ROBO1: variants seen among roughly 807,000 people sequenced by gnomAD.
The protein encoded by ROBO1 is roundabout guidance receptor 1, also known as roundabout homolog 1.
ROBO1 carries 149 observed loss-of-function variants against 195.9 expected under a neutral mutation model. That is an observed-to-expected ratio of 0.76 (90% CI 0.67 to 0.87). The LOEUF (loss-of-function observed/expected upper bound fraction) is 0.87. ROBO1 is among the 40% of genes least tolerant of loss of function. The pLI, the probability that ROBO1 is intolerant of heterozygous loss-of-function variation, is 0.00. For synonymous variants in ROBO1, 816 were observed against 733.2 expected, an observed-to-expected ratio of 1.11 and a Z score of -1.82; for missense variants, 1,933 against 2,068.3, an observed-to-expected ratio of 0.93 and a Z score of 1.27.
chr3:79,073,447 A>G (rs1181663763), intron 3 of ROBO1, among the ~76,000 whole-genome samples: 2 of 151,862 alleles, frequency 1.3e-5, no homozygotes, highest in African/African-American at 2.4e-5. Context: ...TGAAATCTTA[A>G]AATGCCAGTC....
At position 78,965,172 on chromosome 3, in the gene ROBO1, T is replaced by C. The variant is rs538877016; in HGVS notation, c.173-26245A>G. 3.3e-5 allele frequency among the ~76,000 whole-genome samples: 5 copies of C among 152,162 alleles called. No homozygotes were observed. In the South Asian group the frequency reaches 8.3e-4, roughly 25 times the overall value. On this transcript the variant is annotated intron_variant, in intron 3 of 30. Transcript: ENST00000464233. ...TGTTTCACATTATAATCAATAATTATAATATATACTATATACTTTCTGAAA... is the reference window on the plus strand; with the variant it reads ...TGTTTCACATTATAATCAATAATTACAATATATACTATATACTTTCTGAAA...
intron 26 of ROBO1, among the ~76,000 whole-genome samples, chr3:78,625,225 A>C (rs921410240): frequency 6.6e-6 from 1 of 152,224 alleles, no homozygotes; most frequent in African/African-American, 2.4e-5. Flanking sequence ...GAGCAAAATC[A>C]AGGGCCATTT....
chr3:79,382,018 C>T (rs1344673361), intron 2 of ROBO1, among the ~76,000 whole-genome samples: 1 of 152,086 alleles, frequency 6.6e-6, no homozygotes, highest in Non-Finnish European at 1.5e-5. Context: ...ATCTGCATTT[C>T]TACTGCCACC....
intron 2 of ROBO1, among the ~76,000 whole-genome samples, chr3:79,335,536 C>T (rs995577136): frequency 2.0e-5 from 3 of 152,142 alleles, no homozygotes; most frequent in Non-Finnish European, 2.9e-5. Flanking sequence ...TCTCTCCTAC[C>T]ACCATGTGAA....
intron 1 of ROBO1, among the ~76,000 whole-genome samples, chr3:79,606,725 C>T (rs1944497923): frequency 6.6e-6 from 1 of 151,262 alleles, no homozygotes; most frequent in South Asian, 2.1e-4. Context: ...TGCCAGATTT[C>T]TCTCTTATGG....
chr3:79,119,328 G>A (rs184968026), intron 3 of ROBO1, among the ~76,000 whole-genome samples: 4 of 152,054 alleles, frequency 2.6e-5, no homozygotes, highest in African/African-American at 9.7e-5. Flanking sequence ...ATAGAATTAC[G>A]CATGTCTACT....
chr3:78,849,696 A>G (rs893789047), intron 4 of ROBO1, among the ~76,000 whole-genome samples: 1 of 152,054 alleles, frequency 6.6e-6, no homozygotes, highest in Non-Finnish European at 1.5e-5. Flanking sequence ...GAGATTTGAC[A>G]GGAGGTTCAA....
intron 2 of ROBO1, among the ~76,000 whole-genome samples, chr3:79,366,628 C>A (rs1298476782): frequency 2.0e-5 from 3 of 152,128 alleles, no homozygotes; most frequent in Non-Finnish European, 4.4e-5. Flanking sequence ...GAATGCCCAG[C>A]ACTTGGCCGG....
At chr3:78,749,825 A>ATGT (rs1458211992) in intron 4 of ROBO1, among the ~76,000 whole-genome samples, 1 of 152,200 alleles carries the variant, frequency 6.6e-6, no homozygotes, top group Non-Finnish European at 1.5e-5. Context: ...AACCATTTCT[A>ATGT]TTAACCAAAG....
intron 1 of ROBO1, among the ~76,000 whole-genome samples, chr3:79,739,170 A>AC (rs1196065594): frequency 6.6e-6 from 1 of 152,164 alleles, no homozygotes; most frequent in Non-Finnish European, 1.5e-5. Flanking sequence ...TACAAAAAGG[A>AC]TATTGACCAT....
At chr3:79,088,819 C>A (rs576462312) in intron 3 of ROBO1, among the ~76,000 whole-genome samples, 135 of 152,084 alleles carry the variant, frequency 8.9e-4, no homozygotes, top group Admixed American at 1.6e-3. Context: ...TATTTTGATT[C>A]CATTAGATCA....
At chr3:78,691,921 A>G (rs1383665152) in intron 8 of ROBO1, among the ~76,000 whole-genome samples, 1 of 152,168 alleles carries the variant, frequency 6.6e-6, no homozygotes, top group Non-Finnish European at 1.5e-5. Flanking sequence ...AACTGTTGAT[A>G]GGCTACAATT....
chr3:79,334,563 T>C (rs901834790), intron 2 of ROBO1, among the ~76,000 whole-genome samples: 6 of 151,808 alleles, frequency 4.0e-5, no homozygotes, highest in Admixed American at 2.0e-4. Context: ...AATAAATGAA[T>C]GTGTGATGGA....
At chr3:78,797,498 C>T (rs2084220216) in intron 4 of ROBO1, among the ~76,000 whole-genome samples, 1 of 152,136 alleles carries the variant, frequency 6.6e-6, no homozygotes, top group Non-Finnish European at 1.5e-5. Context: ...TATAGCTGTA[C>T]CTTAGCTAGC....
intron 1 of ROBO1, among the ~76,000 whole-genome samples, chr3:79,750,919 G>C (rs1209088168): frequency 6.6e-6 from 1 of 152,264 alleles, no homozygotes; most frequent in South Asian, 2.1e-4. Flanking sequence ...CACCACAGAA[G>C]AAAAATGTGG....
chr3:78,904,936 T>C (rs566875108), intron 4 of ROBO1, among the ~76,000 whole-genome samples: 2 of 152,132 alleles, frequency 1.3e-5, no homozygotes, highest in East Asian at 3.9e-4. Context: ...ACCAATATCA[T>C]GGAATCAAAT....
intron 1 of ROBO1, among the ~76,000 whole-genome samples, chr3:79,617,633 A>G (rs1944866644): frequency 6.6e-6 from 1 of 152,166 alleles, no homozygotes; most frequent in Admixed American, 6.5e-5. Context: ...GAATCAGAGT[A>G]AGAACTCTTA....
At chr3:78,908,164 C>CA (rs2038039556) in intron 4 of ROBO1, among the ~76,000 whole-genome samples, 1 of 151,726 alleles carries the variant, frequency 6.6e-6, no homozygotes, top group Non-Finnish European at 1.5e-5. Flanking sequence ...TAACATTCAA[C>CA]AAAAAAATCT....
intron 1 of ROBO1, among the ~76,000 whole-genome samples, chr3:79,695,285 G>A (rs896035765): frequency 1.4e-4 from 21 of 151,430 alleles, no homozygotes; most frequent in Non-Finnish European, 2.8e-4. Flanking sequence ...CTCTGTTCTG[G>A]TACTAATTAC....
Sources: allele counts gnomAD v4.1 joint callset (sites outside exome capture counted in the v4.1 genomes callset), GRCh38; gene constraint gnomAD v4.1.1; transcripts MANE v1.5; gene names NCBI Gene and HGNC (gene_info 2026-07-23, HGNC 2026-07-21).